The following CHST9 variants were observed in gnomAD, a reference collection of about 807,000 sequenced individuals.
CHST9 encodes GalNAc-4-sulfotransferase 2.
CHST9 carries 41 observed loss-of-function variants against 44.4 expected under a neutral mutation model. The ratio of observed to expected loss-of-function variants is 0.92; its 90% CI spans 0.72 to 1.20. CHST9 has a LOEUF of 1.20. Ranked by LOEUF, CHST9 falls within the 50% of genes most tolerant of loss-of-function variation. CHST9 has a pLI of 0.00. For synonymous variants in CHST9, 171 were observed against 178.4 expected, an observed-to-expected ratio of 0.96 and a Z score of 0.33; for missense variants, 504 against 516.5, an observed-to-expected ratio of 0.98 and a Z score of 0.23.
At chr18:26,982,172 T>C (rs915875121) in intron 4 of CHST9, among the ~76,000 whole-genome samples, 10 of 152,304 alleles carry the variant, frequency 6.6e-5, no homozygotes, top group Non-Finnish European at 1.0e-4. Context: ...CTGAAAAGAT[T>C]ACAGTGATCC....
intron 4 of CHST9, among the ~76,000 whole-genome samples, chr18:26,957,788 C>T (rs2056345676): frequency 6.6e-6 from 1 of 152,124 alleles, no homozygotes; most frequent in Non-Finnish European, 1.5e-5. Flanking sequence ...TGCATATACT[C>T]ACACCTGTGC....
chr18:27,113,631 A>T (rs1345573494), intron 2 of CHST9, among the ~76,000 whole-genome samples: 2 of 152,160 alleles, frequency 1.3e-5, no homozygotes, highest in East Asian at 3.9e-4. Flanking sequence ...CCATGTAAAG[A>T]CACAGCAAGA....
chr18:27,119,653 G>GTTTT (rs146966271), intron 2 of CHST9, among the ~76,000 whole-genome samples: 1 of 138,288 alleles, frequency 7.2e-6, no homozygotes, highest in African/African-American at 2.6e-5. Context: ...TTTGTTTTGG[G>GTTTT]TTTTTTTTTT....
chr18:27,170,718 A>C, intron 1 of CHST9, among the ~76,000 whole-genome samples: 1 of 152,236 alleles, frequency 6.6e-6, no homozygotes, highest in East Asian at 1.9e-4. Flanking sequence ...AAAAAAAGAA[A>C]ACAAAAATAC....
At position 26,911,463 on chromosome 18, in the gene CHST9, AG is replaced by A. The variant is rs2055439315; in HGVS notation, c.*4795del. Reference sequence around the variant, plus strand: ...AGAATAATCTGATGCATGTTACACCAGGGGAAAACTCTGCTGTCTTTTTCTG... The same window carrying A: ...AGAATAATCTGATGCATGTTACACCAGGGAAAACTCTGCTGTCTTTTTCTG... On this transcript the variant is annotated 3_prime_UTR_variant, in exon 6 of 6. Transcript: ENST00000618847. The A allele has an allele frequency of 6.6e-6, 1 of 152,192 alleles. No homozygotes were observed. Among genetic ancestry groups the A allele is most frequent in the African/African-American group, 2.4e-5 (1 of 41,460 alleles). 9.4% of individuals were successfully genotyped at this position (152,192 alleles called of 1,614,324 possible).
intron 3 of CHST9, among the ~76,000 whole-genome samples, chr18:27,036,207 C>T (rs1022810301): frequency 6.6e-6 from 1 of 152,080 alleles, no homozygotes; most frequent in Non-Finnish European, 1.5e-5. Flanking sequence ...TCAGCTCTTC[C>T]GATGGGACAT....
chr18:26,950,145 T>C (rs922463182), intron 4 of CHST9, among the ~76,000 whole-genome samples: 1 of 152,166 alleles, frequency 6.6e-6, no homozygotes, highest in African/African-American at 2.4e-5. Context: ...TTCTCAGCTG[T>C]TCCTCAAGGT....
At chr18:26,953,809 A>G (rs2056284287) in intron 4 of CHST9, among the ~76,000 whole-genome samples, 1 of 152,126 alleles carries the variant, frequency 6.6e-6, no homozygotes, top group Non-Finnish European at 1.5e-5. Flanking sequence ...TCTCCCAAAG[A>G]ACTGGTTGGC....
chr18:27,088,230 A>T (rs2058031771), intron 2 of CHST9, among the ~76,000 whole-genome samples: 1 of 152,172 alleles, frequency 6.6e-6, no homozygotes, highest in South Asian at 2.1e-4. Flanking sequence ...AAGGTTGGAA[A>T]GACAGGCTTT....
intron 4 of CHST9, among the ~76,000 whole-genome samples, chr18:27,010,145 C>T (rs561572794): frequency 3.9e-5 from 6 of 152,098 alleles, no homozygotes; most frequent in Admixed American, 6.5e-5. Context: ...TCTGAAGATA[C>T]GTATTTTTTT....
chr18:26,939,742 C>G (rs2145107011), intron 5 of CHST9, among the ~76,000 whole-genome samples: 1 of 152,286 alleles, frequency 6.6e-6, no homozygotes, highest in Non-Finnish European at 1.5e-5. Flanking sequence ...ACGGGGGAAA[C>G]AGGACGGACC....
intron 2 of CHST9, among the ~76,000 whole-genome samples, chr18:27,063,074 T>A (rs1466163301): frequency 6.6e-6 from 1 of 152,190 alleles, no homozygotes; most frequent in Non-Finnish European, 1.5e-5. Context: ...GGCACAGAGA[T>A]GACTAGCACA....
At chr18:27,125,292 G>C (rs1430534811) in intron 2 of CHST9, among the ~76,000 whole-genome samples, 1 of 152,130 alleles carries the variant, frequency 6.6e-6, no homozygotes, top group Non-Finnish European at 1.5e-5. Context: ...CTGTTCATAA[G>C]ACCATGAAAT....
At chr18:27,068,049 C>T (rs891913245) in intron 2 of CHST9, among the ~76,000 whole-genome samples, 4 of 151,970 alleles carry the variant, frequency 2.6e-5, no homozygotes, top group Non-Finnish European at 4.4e-5. Flanking sequence ...TAACCATGCC[C>T]CTAAAAGGGA....
chr18:26,955,481 T>C (rs1454373301), intron 4 of CHST9, among the ~76,000 whole-genome samples: 1 of 152,166 alleles, frequency 6.6e-6, no homozygotes, highest in Non-Finnish European at 1.5e-5. Flanking sequence ...CTGTGGTAAA[T>C]ATATGCACTT....
chr18:27,101,541 C>G (rs2058172591), intron 2 of CHST9, among the ~76,000 whole-genome samples: 1 of 151,622 alleles, frequency 6.6e-6, no homozygotes, highest in Admixed American at 6.6e-5. Context: ...ACCCGGGAGG[C>G]GGAGCTTGCA....
chr18:27,093,925 T>C (rs2058093061), intron 2 of CHST9, among the ~76,000 whole-genome samples: 1 of 152,062 alleles, frequency 6.6e-6, no homozygotes, highest in Non-Finnish European at 1.5e-5. Flanking sequence ...GAGAGATGAT[T>C]GAATAATGCT....
In CHST9 at chr18:26,916,641, G is replaced by A; in HGVS notation, c.950C>T (p.Ala317Val). ...KAIIKKYRPN[A>V]CEEALINGSG... is the part of the protein sequence containing the mutation. ...TCCATTAATTAATGCTTCTTCACAG[G>A]CATTTGGTCGATATTTCTTGATAAT... Residue 317 changes from alanine (A) to valine (V), a missense_variant, in exon 6 of 6, where the codon GCC (alanine) becomes GTC (valine). Physicochemically the swap from Ala to Val is moderately conservative, Grantham distance 64. Transcript: ENST00000618847. The A allele has an allele frequency of 6.2e-7, 1 of 1,613,790 alleles. No individual in the cohort carries two copies. The highest frequency in any genetic ancestry group is 8.5e-7 in the Non-Finnish European group (1 of 1,179,788).
intron 4 of CHST9, among the ~76,000 whole-genome samples, chr18:26,967,588 C>T (rs1004929759): frequency 3.9e-5 from 6 of 152,068 alleles, no homozygotes; most frequent in Non-Finnish European, 5.9e-5. Context: ...AATGAAACTT[C>T]TTGTAATCTT....
Sources: gnomAD v4.1 joint callset for allele counts (sites outside exome capture counted in the v4.1 genomes callset) on GRCh38, gnomAD v4.1.1 for gene constraint, MANE v1.5 for transcripts, NCBI Gene and HGNC (gene_info 2026-07-23, HGNC 2026-07-21) for gene names.